Variants in KCTD8 observed in about 807,000 individuals in gnomAD.
The protein encoded by KCTD8 is BTB/POZ domain-containing protein KCTD8.
A neutral mutation model predicts 31.5 loss-of-function variants in KCTD8; 27 were observed. The observed-to-expected ratio is 0.86, with a 90% confidence interval of 0.63 to 1.18. The LOEUF is 1.18. Among genes scored for constraint, KCTD8 ranks in the 50% most tolerant of loss-of-function variants. KCTD8 has a pLI of 0.00. For missense variants in KCTD8, 658 were observed against 647.7 expected (o/e 1.02, Z -0.17); for synonymous variants, 290 against 280.0 (o/e 1.04, Z -0.36).
intron 1 of KCTD8, among the ~76,000 whole-genome samples, chr4:44,344,341 C>A (rs1718985330): frequency 6.6e-6 from 1 of 152,028 alleles, no homozygotes; most frequent in South Asian, 2.1e-4. Context: ...TACACCAACA[C>A]ACTGGGCTAA....
chr4:44,331,092 GT>G (rs931315599), intron 1 of KCTD8, among the ~76,000 whole-genome samples: 1 of 151,826 alleles, frequency 6.6e-6, no homozygotes, highest in Non-Finnish European at 1.5e-5. Flanking sequence ...TCCTAGGTAT[GT>G]GGAGAAGGCA....
intron 1 of KCTD8, among the ~76,000 whole-genome samples, chr4:44,404,625 G>A (rs1007034085): frequency 1.3e-5 from 2 of 152,162 alleles, no homozygotes; most frequent in Non-Finnish European, 2.9e-5. Context: ...AATTCAGAAA[G>A]GGAAGTAAGG....
chr4:44,342,615 CTTT>C (rs1553902524), intron 1 of KCTD8, among the ~76,000 whole-genome samples: 1 of 152,156 alleles, frequency 6.6e-6, no homozygotes, highest in Non-Finnish European at 1.5e-5. Flanking sequence ...GATAACCTGT[CTTT>C]TAAGCTTTTA....
chr4:44,430,898 T>C (rs765352172), intron 1 of KCTD8, among the ~76,000 whole-genome samples: 26 of 151,550 alleles, frequency 1.7e-4, no homozygotes, highest in Non-Finnish European at 3.4e-4. Context: ...CTATAAGCCC[T>C]GATGGTTATT....
At chr4:44,176,859 A>ATAT (rs747696061) in intron 1 of KCTD8, among the ~76,000 whole-genome samples, 5,901 of 58,956 alleles carry the variant, frequency 0.1, 168 homozygotes, top group African/African-American at 0.12. Context: ...ATATATGTCT[A>ATAT]CATCTATCTA....
intron 1 of KCTD8, among the ~76,000 whole-genome samples, chr4:44,417,523 C>A (rs1483697224): frequency 6.4e-5 from 2 of 31,158 alleles, no homozygotes; most frequent in African/African-American, 2.0e-4. Flanking sequence ...TTAGATTATA[C>A]AACTATTTAA....
chr4:44,300,517 G>A (rs1380417442), intron 1 of KCTD8, among the ~76,000 whole-genome samples: 1 of 152,078 alleles, frequency 6.6e-6, no homozygotes, highest in Non-Finnish European at 1.5e-5. Context: ...AACATTTTCT[G>A]TATTGCCATC....
intron 1 of KCTD8, among the ~76,000 whole-genome samples, chr4:44,221,891 AC>A (rs1714819226): frequency 6.6e-6 from 1 of 152,180 alleles, no homozygotes; most frequent in Non-Finnish European, 1.5e-5. Flanking sequence ...ACACCCCGGA[AC>A]AAATACTTTG....
chr4:44,372,665 T>TA (rs1248313937), intron 1 of KCTD8, among the ~76,000 whole-genome samples: 6 of 152,140 alleles, frequency 3.9e-5, no homozygotes, highest in African/African-American at 1.4e-4. Flanking sequence ...GTTTCTGATT[T>TA]AAAAAAACAT....
At chr4:44,331,396 T>C (rs1404463716) in intron 1 of KCTD8, among the ~76,000 whole-genome samples, 1 of 151,780 alleles carries the variant, frequency 6.6e-6, no homozygotes, top group African/African-American at 2.4e-5. Context: ...ACCCTATTAC[T>C]GTAAAATTAT....
chr4:44,278,960 C>T (rs1045945249), intron 1 of KCTD8, among the ~76,000 whole-genome samples: 4 of 152,008 alleles, frequency 2.6e-5, no homozygotes, highest in African/African-American at 9.7e-5. Context: ...TTGGGGAAGG[C>T]TTTTCTCTTA....
chr4:44,303,384 C>A lies in KCTD8; in HGVS notation c.962-128134G>T, dbSNP rs1051453475. ...TTGGTTGGTAAGCTATTGATTATTGCCACAATTTCAGATCCTGTTATTGGT... is the reference window on the plus strand; with the variant it reads ...TTGGTTGGTAAGCTATTGATTATTGACACAATTTCAGATCCTGTTATTGGT... On this transcript the variant is annotated intron_variant, in intron 1 of 1. Transcript: ENST00000360029. 3.3e-5 allele frequency among the ~76,000 whole-genome samples: 5 copies of A among 152,108 alleles called. No homozygotes were observed. The East Asian group carries it at 9.7e-4, about 29-fold the overall frequency.
intron 1 of KCTD8, among the ~76,000 whole-genome samples, chr4:44,443,956 G>A (rs1721872730): frequency 6.6e-6 from 1 of 152,008 alleles, no homozygotes. Context: ...ATAAATCACT[G>A]TTTTTCCCCC....
At chr4:44,422,146 A>G (rs1176553539) in intron 1 of KCTD8, among the ~76,000 whole-genome samples, 3 of 152,200 alleles carry the variant, frequency 2.0e-5, no homozygotes, top group Middle Eastern at 3.4e-3. Context: ...TAGCTTTTAC[A>G]TGTACTTACC....
At chr4:44,405,405 G>T (rs976442325) in intron 1 of KCTD8, among the ~76,000 whole-genome samples, 1 of 151,894 alleles carries the variant, frequency 6.6e-6, no homozygotes, top group African/African-American at 2.4e-5. Context: ...CTGCAGGCAC[G>T]TGCTTACCAC....
chr4:44,325,525 G>C (rs1317157813), intron 1 of KCTD8, among the ~76,000 whole-genome samples: 1 of 151,828 alleles, frequency 6.6e-6, no homozygotes, highest in East Asian at 1.9e-4. Context: ...AAGGATACAT[G>C]CTTGAGGGAA....
intron 1 of KCTD8, among the ~76,000 whole-genome samples, chr4:44,250,517 G>A (rs575362745): frequency 6.6e-6 from 1 of 151,852 alleles, no homozygotes; most frequent in Non-Finnish European, 1.5e-5. Flanking sequence ...CACTTTCCCA[G>A]GTTCAGGTCA....
chr4:44,232,508 C>G (rs1342915861), intron 1 of KCTD8, among the ~76,000 whole-genome samples: 1 of 152,120 alleles, frequency 6.6e-6, no homozygotes, highest in Non-Finnish European at 1.5e-5. Flanking sequence ...CATTAGAGCA[C>G]TTCGGTTTTC....
chr4:44,266,934 C>G (rs973443074), intron 1 of KCTD8, among the ~76,000 whole-genome samples: 1 of 151,968 alleles, frequency 6.6e-6, no homozygotes, highest in East Asian at 1.9e-4. Flanking sequence ...GACTCCCACA[C>G]AATAATAATG....
Sources: allele counts gnomAD v4.1 joint callset (sites outside exome capture counted in the v4.1 genomes callset), GRCh38; gene constraint gnomAD v4.1.1; transcripts MANE v1.5; gene names NCBI Gene and HGNC (gene_info 2026-07-23, HGNC 2026-07-21).